The following ZNF704 variants were observed in gnomAD, a reference collection of about 807,000 sequenced individuals.
The protein encoded by ZNF704 is zinc finger protein 704, also known as glucocorticoid induced gene 1.
In ZNF704, 10 loss-of-function variants were observed where a neutral mutation model predicts 44.7. That is an observed-to-expected ratio of 0.22 (90% confidence interval 0.14 to 0.38). The LOEUF is 0.38. Among genes scored for constraint, ZNF704 ranks in the 10% least tolerant of loss-of-function variants. ZNF704 has a pLI of 1.00. For synonymous variants in ZNF704, 211 were observed against 207.6 expected, an observed-to-expected ratio of 1.02 and a Z score of -0.14; for missense variants, 390 against 545.5, an observed-to-expected ratio of 0.71 and a Z score of 2.84.
intron 1 of ZNF704, among the ~76,000 whole-genome samples, chr8:80,834,847 T>C (rs545297895): frequency 1.2e-4 from 19 of 152,344 alleles, no homozygotes; most frequent in Admixed American, 1.1e-3. Context: ...TCCATGTCCC[T>C]GCAAAGGACA....
chr8:80,666,099 C>T (rs1462365693), intron 5 of ZNF704, among the ~76,000 whole-genome samples: 31 of 150,452 alleles, frequency 2.1e-4, no homozygotes, highest in East Asian at 7.9e-4. Flanking sequence ...TATCTCCCAA[C>T]GCTATCCCTT....
chr8:80,725,714 A>T (rs1018276942), intron 2 of ZNF704, among the ~76,000 whole-genome samples: 1 of 152,174 alleles, frequency 6.6e-6, no homozygotes, highest in African/African-American at 2.4e-5. Context: ...GACTGTACAT[A>T]TAAGTTTTTG....
intron 1 of ZNF704, among the ~76,000 whole-genome samples, chr8:80,862,628 G>T (rs1388501554): frequency 6.8e-6 from 1 of 146,086 alleles, no homozygotes; most frequent in East Asian, 1.9e-4. Flanking sequence ...AGTCAAATAC[G>T]GTGGCACATG....
intron 2 of ZNF704, among the ~76,000 whole-genome samples, chr8:80,804,009 G>A (rs1207509250): frequency 6.6e-6 from 1 of 152,092 alleles, no homozygotes; most frequent in East Asian, 1.9e-4. Flanking sequence ...CCATTAAAAA[G>A]TGGGGAAAGA....
At chr8:80,660,288 C>T (rs543265254) in intron 6 of ZNF704, among the ~76,000 whole-genome samples, 1 of 152,086 alleles carries the variant, frequency 6.6e-6, no homozygotes, top group South Asian at 2.1e-4. Context: ...GAGGGCAACA[C>T]AGTGAGACTT....
At chr8:80,772,147 T>C (rs1807331121) in intron 2 of ZNF704, among the ~76,000 whole-genome samples, 2 of 152,210 alleles carry the variant, frequency 1.3e-5, no homozygotes, top group South Asian at 4.1e-4. Flanking sequence ...TTTGAATCTG[T>C]AGCCATAAGG....
chr8:80,653,178 AAG>A (rs775557445), intron 7 of ZNF704, among the ~76,000 whole-genome samples: 1 of 152,220 alleles, frequency 6.6e-6, no homozygotes, highest in Non-Finnish European at 1.5e-5. Context: ...TCAAAATAAT[AAG>A]AGCTATCTAT....
chr8:80,860,167 A>AACAAGAGCTTCTTTGTGGTGC (rs1317373002), intron 1 of ZNF704, among the ~76,000 whole-genome samples: 1 of 152,218 alleles, frequency 6.6e-6, no homozygotes, highest in African/African-American at 2.4e-5. Context: ...TAAAACTGTA[A>AACAAGAGCTTCTTTGTGGTGC]ACAAGAGCTT....
intron 7 of ZNF704, among the ~76,000 whole-genome samples, chr8:80,644,437 G>A (rs1272054747): frequency 6.6e-6 from 1 of 151,954 alleles, no homozygotes; most frequent in Non-Finnish European, 1.5e-5. Context: ...TTTAACAAAG[G>A]AAAAAGAATG....
intron 2 of ZNF704, among the ~76,000 whole-genome samples, chr8:80,813,234 G>A (rs915095785): frequency 3.3e-5 from 5 of 152,158 alleles, no homozygotes; most frequent in Non-Finnish European, 7.4e-5. Flanking sequence ...AATTATCCAA[G>A]GACTCTTTGG....
chr8:80,833,419 T>TA (rs1019811711), intron 1 of ZNF704, among the ~76,000 whole-genome samples: 1 of 152,164 alleles, frequency 6.6e-6, no homozygotes, highest in Non-Finnish European at 1.5e-5. Context: ...AATAAACTGA[T>TA]AAAAAATGAC....
intron 1 of ZNF704, among the ~76,000 whole-genome samples, chr8:80,841,600 A>G (rs1808680886): frequency 6.6e-6 from 1 of 152,224 alleles, no homozygotes; most frequent in African/African-American, 2.4e-5. Context: ...TTAATATGTC[A>G]TATAAAAATA....
In ZNF704 at chr8:80,636,356, T is replaced by C. The variant is rs1006945427; in HGVS notation, c.*5010A>G. The C allele has an allele frequency of 6.6e-6, 1 of 152,222 alleles. No homozygotes were observed. Among genetic ancestry groups the C allele is most frequent in the African/African-American group, 2.4e-5 (1 of 41,456 alleles). The allele number at this position is 152,222 out of a possible 1,614,324, so 9.4% of individuals were successfully genotyped here. A position where few individuals can be genotyped will look rare whatever the true frequency, so the allele number is the denominator to read the frequency against. On this transcript the variant is annotated 3_prime_UTR_variant, in exon 9 of 9. Coordinates refer to ENST00000327835, the MANE Select transcript of ZNF704 (RefSeq NM_001033723.3). Reference sequence around the variant, plus strand: ...TTTTGGTTCCTGGTCCTACGATAGATATACCTTTTAAAGCATGTATATCAT... The same window carrying C: ...TTTTGGTTCCTGGTCCTACGATAGACATACCTTTTAAAGCATGTATATCAT...
chr8:80,663,703 T>C (rs560275317), intron 6 of ZNF704, among the ~76,000 whole-genome samples: 1 of 151,854 alleles, frequency 6.6e-6, no homozygotes, highest in South Asian at 2.1e-4. Context: ...ATTCTGCCAC[T>C]GTGCCAAAGC....
intron 1 of ZNF704, among the ~76,000 whole-genome samples, chr8:80,867,078 C>G (rs1403008086): frequency 1.3e-5 from 2 of 152,140 alleles, no homozygotes; most frequent in African/African-American, 4.8e-5. Context: ...ATGACATCTT[C>G]TAGGCAAGTT....
At chr8:80,741,750 A>ACG (rs1806761429) in intron 2 of ZNF704, among the ~76,000 whole-genome samples, 1 of 152,176 alleles carries the variant, frequency 6.6e-6, no homozygotes, top group African/African-American at 2.4e-5. Context: ...GCTCGAGGGG[A>ACG]CCTTCTAGAG....
chr8:80,847,170 C>T (rs534091723), intron 1 of ZNF704, among the ~76,000 whole-genome samples: 9 of 152,030 alleles, frequency 5.9e-5, no homozygotes, highest in Non-Finnish European at 7.4e-5. Context: ...GAGACTCCAT[C>T]TTAAAAATAA....
At chr8:80,697,964 C>T (rs1258774017) in intron 2 of ZNF704, among the ~76,000 whole-genome samples, 3 of 152,168 alleles carry the variant, frequency 2.0e-5, no homozygotes, top group African/African-American at 4.8e-5. Flanking sequence ...GCTGCTGGTC[C>T]CTCACTAGAG....
At position 80,637,770 on chromosome 8, in the gene ZNF704, A is replaced by G. The variant is rs572273027; in HGVS notation, c.*3596T>C. ...AGGCACTTTGCAGCTAAGCGCACAC[A>G]TTCTTGGTCAGAAACCCACAGCTTT... On this transcript the variant is annotated 3_prime_UTR_variant, in exon 9 of 9. Transcript: ENST00000327835. The G allele has an allele frequency of 3.0e-4, 46 of 152,388 alleles. No homozygotes were observed. The highest frequency in any genetic ancestry group is 1.0e-3 in the African/African-American group (42 of 41,598). 9.4% of individuals were successfully genotyped at this position (152,388 alleles called of 1,614,324 possible).
Sources: gnomAD v4.1 joint callset for allele counts (sites outside exome capture counted in the v4.1 genomes callset) on GRCh38, gnomAD v4.1.1 for gene constraint, MANE v1.5 for transcripts, NCBI Gene and HGNC (gene_info 2026-07-23, HGNC 2026-07-21) for gene names.